IL21R: variants seen among roughly 807,000 people sequenced by gnomAD.
IL21R encodes the protein interleukin-21 receptor.
In IL21R, 14 loss-of-function variants were observed where a neutral mutation model predicts 41.3. That is an observed-to-expected ratio of 0.34 (90% confidence interval 0.22 to 0.53). The LOEUF (loss-of-function observed/expected upper bound fraction) is 0.53, where lower values mean the gene tolerates loss of function less well. Among genes scored for constraint, IL21R ranks in the 20% least tolerant of loss-of-function variants. The pLI is 0.94. For synonymous variants in IL21R, 286 were observed against 287.6 expected (o/e 0.99, Z 0.05); for missense variants, 588 against 681.6 (o/e 0.86, Z 1.53).
At chr16:27,446,391 T>C (rs1159768490) in intron 8 of IL21R, among the ~76,000 whole-genome samples, 1 of 152,078 alleles carries the variant, frequency 6.6e-6, no homozygotes, top group Non-Finnish European at 1.5e-5. Flanking sequence ...AAAAACAGCC[T>C]GGGCAACATA....
intron 1 of IL21R, among the ~76,000 whole-genome samples, chr16:27,423,620 G>A (rs1402314783): frequency 6.6e-6 from 1 of 152,176 alleles, no homozygotes; most frequent in Non-Finnish European, 1.5e-5. Context: ...GTGTTATTAT[G>A]CTTATGCTGT....
Position 27,437,469 on chromosome 16 carries a change from G to A in IL21R, c.153-19G>A, listed in dbSNP as rs3093342. On this transcript the variant is annotated intron_variant, in intron 3 of 8. Coordinates refer to ENST00000337929, the MANE Select transcript of IL21R (RefSeq NM_181078.3). ...CTGCCCCTGGCTTCCAGCCATGACC[G>A]GCTGCTTTGTCCTTGAAGGCAAGAC... The A allele has an allele frequency of 3.3e-4, 528 of 1,609,190 alleles. 4 individuals carry two copies. The African/African-American group carries it at 6.2e-3, about 19-fold the overall frequency.
Position 27,427,386 on chromosome 16 carries a change from G to A in IL21R, c.-16-2670G>A, listed in dbSNP as rs1195750667. 4 of 928,396 alleles carry A rather than the reference G, an allele frequency of 4.3e-6. No individual in the cohort carries two copies. In the African/African-American group the frequency reaches 7.1e-5, roughly 17 times the overall value. 57.5% of individuals were successfully genotyped at this position (928,396 alleles called of 1,614,324 possible). A position where few individuals can be genotyped will look rare whatever the true frequency, so the allele number is the denominator to read the frequency against. On this transcript the variant is annotated intron_variant, in intron 1 of 8. Coordinates refer to ENST00000337929, the MANE Select transcript of IL21R (RefSeq NM_181078.3). The stretch of plus-strand genomic sequence containing the variant: ...GGTAAGAAATTAGGAGGGATGAGGA[G>A]TTTTTTGTTTGTCTGTTTGTTTTTT...
chr16:27,411,428 G>A (rs189953983), intron 1 of IL21R, among the ~76,000 whole-genome samples: 1 of 150,506 alleles, frequency 6.6e-6, no homozygotes, highest in Non-Finnish European at 1.5e-5. Flanking sequence ...TCTTCTTTGG[G>A]GAAATGTCTA....
At chr16:27,427,367 A>T (rs1454179270) in intron 1 of IL21R, 1 of 972,144 alleles carries the variant, frequency 1.0e-6, no homozygotes, top group Non-Finnish European at 1.2e-6. Context: ...CAGAGGTAAG[A>T]AATTAGGAGG....
chr16:27,417,578 T>A, intron 1 of IL21R, among the ~76,000 whole-genome samples: 1 of 152,224 alleles, frequency 6.6e-6, no homozygotes, highest in East Asian at 1.9e-4. Context: ...GGTAATTTTG[T>A]CATTGTGTGA....
At chr16:27,408,155 TGTACTA>T (rs1254954491) in intron 1 of IL21R, among the ~76,000 whole-genome samples, 3 of 152,182 alleles carry the variant, frequency 2.0e-5, no homozygotes, top group African/African-American at 7.2e-5. Context: ...CCATGAGCTA[TGTACTA>T]TGTGGAGGGT....
Position 27,449,338 on chromosome 16 carries a change from C to A in IL21R, c.*55C>A, listed in dbSNP as rs3093409. 6.3e-5 allele frequency: 96 copies of A among 1,511,948 alleles called. No individual in the cohort carries two copies. Among genetic ancestry groups the A allele is most frequent in the Non-Finnish European group, 8.2e-5 (93 of 1,132,198 alleles). The allele number at this position is 1,511,948 out of a possible 1,614,324, so 93.7% of individuals were successfully genotyped here. ...AGGCCACTGGGCCCTGAGCCAGAGA[C>A]AAGGTCACCTGGGCTGTGATGTGAA... On this transcript the variant is annotated 3_prime_UTR_variant, in exon 9 of 9. Transcript: ENST00000337929.
intron 1 of IL21R, among the ~76,000 whole-genome samples, chr16:27,410,172 CTAAAA>C (rs1195486246): frequency 6.6e-6 from 1 of 152,038 alleles, no homozygotes; most frequent in Non-Finnish European, 1.5e-5. Context: ...CCTGTCTCCA[CTAAAA>C]ATACAAAAAT....
rs1234266799 is a variant in IL21R at position 27,449,207 on chromosome 16, G to A, written c.1541G>A (p.Gly514Glu). Residue 514 changes from glycine to glutamate, a missense_variant, in exon 9 of 9, where the codon GGA becomes GAA. Transcript: ENST00000337929. ...ECDFTSPGDE[G>E]PPRSYLRQWV... ...GACTTCACCAGCCCCGGGGACGAAG[G>A]ACCCCCCCGGAGCTACCTCCGCCAG... The A allele has an allele frequency of 1.2e-6, 2 of 1,612,916 alleles. No individual in the cohort carries two copies. The highest frequency in any genetic ancestry group is 1.7e-5 in the Admixed American group (1 of 60,016).
At chr16:27,414,576 T>A (rs1005569644) in intron 1 of IL21R, among the ~76,000 whole-genome samples, 2 of 152,092 alleles carry the variant, frequency 1.3e-5, no homozygotes, top group Admixed American at 1.3e-4. Flanking sequence ...AGCACTGATG[T>A]GTCTGGGATT....
intron 8 of IL21R, 41 bp downstream of exon 8, chr16:27,446,129 C>G: frequency 6.4e-7 from 1 of 1,556,208 alleles, no homozygotes; most frequent in Non-Finnish European, 8.8e-7. Context: ...GGAGCCCCTC[C>G]TCCTCTTCAG....
At chr16:27,442,847 T>C (rs1426555769) in intron 4 of IL21R, 115 bp from the exon 5 acceptor site, 2 of 904,180 alleles carry the variant, frequency 2.2e-6, no homozygotes, top group East Asian at 2.6e-5. Context: ...TCATCCATGA[T>C]GGGTCAGGCA....
In IL21R at chr16:27,449,779, G is replaced by A. The variant is rs1003770701; in HGVS notation, c.*496G>A. On this transcript the variant is annotated 3_prime_UTR_variant, in exon 9 of 9. Transcript: ENST00000337929. ...CCTCCAGCGTCTGCCTCCAGGAGCT[G>A]CAAGAAGTCCATATTGTTCCTTATC... The A allele has an allele frequency of 4.2e-6, 1 of 240,434 alleles. No individual in the cohort carries two copies. Among genetic ancestry groups the A allele is most frequent in the Non-Finnish European group, 8.2e-6 (1 of 122,012 alleles). The allele number at this position is 240,434 out of a possible 1,614,324, so 14.9% of individuals were successfully genotyped here.
At chr16:27,421,271 C>T (rs1251074801) in intron 1 of IL21R, among the ~76,000 whole-genome samples, 2 of 138,316 alleles carry the variant, frequency 1.4e-5, no homozygotes, top group Admixed American at 1.6e-4. Context: ...TTCTCAAAAC[C>T]TTTTTGGCTA....
At position 27,403,203 on chromosome 16, in the gene IL21R, C is replaced by T. The variant is rs114226509; in HGVS notation, c.-17+585C>T. On this transcript the variant is annotated intron_variant, in intron 1 of 8. Transcript: ENST00000337929. ...GTCGCTGCATCTTTCTCATGAAGCA[C>T]GGGGAACGGGTCGGATGGTAAGAGG... is the stretch of plus-strand genomic sequence containing the variant. The T allele has an allele frequency of 1.1e-3, 1,462 of 1,341,662 alleles. 10 individuals carry two copies. In the African/African-American group the frequency reaches 0.019, roughly 17 times the overall value. 83.1% of individuals were successfully genotyped at this position (1,341,662 alleles called of 1,614,324 possible). A position where few individuals can be genotyped will look rare whatever the true frequency, so the allele number is the denominator to read the frequency against.
chr16:27,403,651 C>T, intron 1 of IL21R, among the ~76,000 whole-genome samples: 1 of 152,206 alleles, frequency 6.6e-6, no homozygotes, highest in East Asian at 1.9e-4. Context: ...GTGGGGACCT[C>T]AGGGCCGAAC....
intron 1 of IL21R, among the ~76,000 whole-genome samples, chr16:27,405,352 G>A (rs569605350): frequency 2.5e-4 from 38 of 151,868 alleles, no homozygotes; most frequent in African/African-American, 8.9e-4. Flanking sequence ...CTTTAAATAT[G>A]TAAGAGCTCT....
chr16:27,443,130 G>A lies in IL21R; in HGVS notation c.507+14G>A, dbSNP rs1167216164. 1.2e-6 allele frequency: 2 copies of A among 1,602,870 alleles called. No homozygotes were observed. Among genetic ancestry groups the A allele is most frequent in the Non-Finnish European group, 8.5e-7 (1 of 1,174,426 alleles). ...CCCTGGGCTGTGGTGAGGAATGTGG[G>A]GATCAGTGCAGCTTTGTGGGAGGGG... On this transcript the variant is annotated intron_variant, in intron 5 of 8. Coordinates refer to ENST00000337929, the MANE Select transcript of IL21R (RefSeq NM_181078.3).
Sources: allele counts gnomAD v4.1 joint callset (sites outside exome capture counted in the v4.1 genomes callset), GRCh38; gene constraint gnomAD v4.1.1; transcripts MANE v1.5; gene names NCBI Gene and HGNC (gene_info 2026-07-23, HGNC 2026-07-21).